Variants in NPC1 observed in about 807,000 individuals in gnomAD.
The protein encoded by NPC1 is Niemann-Pick C1 protein.
In NPC1, 85 loss-of-function variants were observed where a neutral mutation model predicts 140.4. The ratio of observed to expected loss-of-function variants is 0.61; its 90% CI spans 0.51 to 0.72. The LOEUF (loss-of-function observed/expected upper bound fraction) is 0.72. Ranked by LOEUF, NPC1 falls within the 30% of genes least tolerant of loss-of-function variation. The pLI is 0.00. For missense variants in NPC1, 1,504 were observed against 1,623.8 expected (o/e 0.93, Z 1.27); for synonymous variants, 656 against 624.8 (o/e 1.05, Z -0.74).
rs2435307 is a variant in NPC1 at position 23,547,946 on chromosome 18, C to T, written c.1757+60G>A. Reference sequence around the variant, plus strand: ...TAGAAAATGAAGTTTAAGTGCTTGCCGCAAGTGTCTAGCTTCCCACAATGC... The same window carrying T: ...TAGAAAATGAAGTTTAAGTGCTTGCTGCAAGTGTCTAGCTTCCCACAATGC... On this transcript the variant is annotated intron_variant, in intron 11 of 24. Coordinates refer to ENST00000269228, the MANE Select transcript of NPC1 (RefSeq NM_000271.5). The T allele has an allele frequency of 0.48, 477,883 of 992,996 alleles. 117,190 individuals are homozygous for T. The highest frequency in any genetic ancestry group is 0.63 in the East Asian group (26,482 of 42,040). 61.5% of individuals were successfully genotyped at this position (992,996 alleles called of 1,614,324 possible). A position where few individuals can be genotyped will look rare whatever the true frequency, so the allele number is the denominator to read the frequency against.
downstream of NPC1, chr18:23,529,608 T>G: frequency 6.3e-7 from 1 of 1,598,746 alleles, no homozygotes; most frequent in Admixed American, 1.7e-5. Flanking sequence ...CGTTGGTATT[T>G]GTAAGACCAC....
intron 1 of NPC1, among the ~76,000 whole-genome samples, chr18:23,575,769 C>CAAAAAAAAAAAAAAAAAAAAAA (rs35922440): frequency 2.8e-5 from 1 of 35,106 alleles, no homozygotes; most frequent in African/African-American, 8.5e-5. Flanking sequence ...CAGAGAAGAC[C>CAAAAAAAAAAAAAAAAAAAAAA]AAAAAAAAAA....
intron 11 of NPC1, among the ~76,000 whole-genome samples, chr18:23,547,182 T>G (rs1027082255): frequency 2.6e-5 from 4 of 152,072 alleles, no homozygotes; most frequent in African/African-American, 9.7e-5. Context: ...AAAACAATTT[T>G]TTAAAAGTAC....
intron 4 of NPC1, among the ~76,000 whole-genome samples, chr18:23,564,578 C>T (rs2059094832): frequency 6.6e-6 from 1 of 152,304 alleles, no homozygotes; most frequent in Admixed American, 6.5e-5. Flanking sequence ...CTGCCTCAGC[C>T]ACCCGAACTG....
chr18:23,559,120 C>T (rs1014502215), intron 6 of NPC1, among the ~76,000 whole-genome samples: 4 of 152,126 alleles, frequency 2.6e-5, no homozygotes, highest in Admixed American at 6.6e-5. Context: ...TCCAGTCTAT[C>T]GTTGTTGGAC....
chr18:23,531,566 T>C lies in NPC1; in HGVS notation c.*636A>G. On this transcript the variant is annotated 3_prime_UTR_variant, in exon 25 of 25. Transcript: ENST00000269228. ...CCCAGTAGACACACCTACGAGATGC[T>C]TTCTTTGTCCCTCATTTCATGCCAC... 1.9e-6 allele frequency: 3 copies of C among 1,587,814 alleles called. No individual in the cohort carries two copies. Among genetic ancestry groups the C allele is most frequent in the East Asian group, 2.2e-5 (1 of 44,608 alleles).
downstream of NPC1, chr18:23,527,769 C>T (rs147352317): frequency 6.7e-4 from 1,054 of 1,583,790 alleles, 3 homozygotes; most frequent in Non-Finnish European, 7.6e-4. Flanking sequence ...TGGTTTGATC[C>T]GTGTGTGAAC....
intron 1 of NPC1, chr18:23,576,428 A>G: frequency 1.0e-6 from 1 of 980,806 alleles, no homozygotes; most frequent in Middle Eastern, 5.2e-4. Context: ...TCTCAAAAAA[A>G]AAGTCATCCT....
At chr18:23,518,120 G>A (rs2058057302), downstream of NPC1, among the ~76,000 whole-genome samples, 1 of 152,268 alleles carries the variant, frequency 6.6e-6, no homozygotes, top group East Asian at 1.9e-4. Flanking sequence ...TCCCTGGGCA[G>A]GCCCAGCACA....
chr18:23,586,071 G>C (rs2059414864), intron 1 of NPC1, among the ~76,000 whole-genome samples: 2 of 152,214 alleles, frequency 1.3e-5, no homozygotes, highest in South Asian at 4.1e-4. Context: ...GCTCAGAACA[G>C]GTCACCCAAG....
intron 4 of NPC1, among the ~76,000 whole-genome samples, chr18:23,567,601 T>C (rs988565450): frequency 6.6e-6 from 1 of 152,226 alleles, no homozygotes; most frequent in East Asian, 1.9e-4. Flanking sequence ...GTTCTTGAGG[T>C]CTTCAATTTT....
chr18:23,552,388 A>C (rs1274890468), intron 9 of NPC1, among the ~76,000 whole-genome samples: 2 of 152,238 alleles, frequency 1.3e-5, no homozygotes, highest in African/African-American at 4.8e-5. Context: ...CAGTCTGGGA[A>C]GAGTAATGGA....
At chr18:23,584,217 C>A (rs2059388317) in intron 1 of NPC1, among the ~76,000 whole-genome samples, 1 of 152,160 alleles carries the variant, frequency 6.6e-6, no homozygotes, top group African/African-American at 2.4e-5. Flanking sequence ...TTACACAGGA[C>A]AACTAGTCCA....
chr18:23,569,548 C>CT (rs1388202033), intron 3 of NPC1, among the ~76,000 whole-genome samples: 2 of 152,138 alleles, frequency 1.3e-5, no homozygotes, highest in African/African-American at 4.8e-5. Context: ...TCTCAAACTC[C>CT]TAAACTCAAG....
chr18:23,506,242 AATATTAT>A (rs1202728162), exon 4 of NPC1: 2 of 150,432 alleles, frequency 1.3e-5, no homozygotes, highest in Non-Finnish European at 2.9e-5. Context: ...GTACACACTT[AATATTAT>A]GCAATATGTG....
chr18:23,523,144 C>G (rs373039882), intron 1 of NPC1, among the ~76,000 whole-genome samples: 29 of 152,318 alleles, frequency 1.9e-4, no homozygotes, highest in African/African-American at 6.7e-4. Flanking sequence ...TTCGCCAAAG[C>G]TTGTCTGCCT....
At chr18:23,576,432 T>C (rs552687814) in intron 1 of NPC1, 3 of 982,518 alleles carry the variant, frequency 3.1e-6, no homozygotes, top group East Asian at 2.3e-4. Context: ...AAAAAAAAAG[T>C]CATCCTGCCG....
At chr18:23,582,806 GA>G (rs5823397) in intron 1 of NPC1, among the ~76,000 whole-genome samples, 96,461 of 137,962 alleles carry the variant, frequency 0.7, 33,074 homozygotes, top group East Asian at 0.93. Context: ...ACCTGGTCTT[GA>G]AAAAAAAAAA....
Position 23,539,478 on chromosome 18 carries a change from G to GGACA in NPC1, c.2796-12_2796-9dup, listed in dbSNP as rs1353736204. ...GCGAAGCCTATTCGGGTACTAGAGA[G>GGACA]GACAGACAGGGTTACTGACCTGCTC... On this transcript the variant is annotated splice_polypyrimidine_tract_variant and intron_variant, in intron 18 of 24. Coordinates refer to ENST00000269228, the MANE Select transcript of NPC1 (RefSeq NM_000271.5). 1 of 1,588,672 alleles carries GGACA rather than the reference G, an allele frequency of 6.3e-7. No individual in the cohort carries two copies. The highest frequency in any genetic ancestry group is 1.3e-5 in the African/African-American group (1 of 74,432).
Sources: gnomAD v4.1 joint callset for allele counts (sites outside exome capture counted in the v4.1 genomes callset) on GRCh38, gnomAD v4.1.1 for gene constraint, MANE v1.5 for transcripts, NCBI Gene and HGNC (gene_info 2026-07-23, HGNC 2026-07-21) for gene names.